NSD1: variants seen among roughly 807,000 people sequenced by gnomAD.
NSD1 encodes the protein histone-lysine N-methyltransferase, H3 lysine-36 specific.
Under a neutral mutation model 242.7 loss-of-function variants are expected in NSD1, and 26 were observed. That is an observed-to-expected ratio of 0.11 (90% CI 0.08 to 0.15). NSD1 has a LOEUF of 0.15. Among genes scored for constraint, NSD1 ranks in the 10% least tolerant of loss-of-function variants. The probability of loss-of-function intolerance (pLI) is 1.00; values close to 1 mark genes in which losing one functional copy is unlikely to be tolerated. For missense variants in NSD1, 2,495 were observed against 3,272.8 expected (o/e 0.76, Z 5.80); for synonymous variants, 1,106 against 1,178.1 (o/e 0.94, Z 1.25).
intron 20 of NSD1, 174 bp from the exon 21 acceptor site, chr5:177,288,645 T>C: frequency 1.7e-6 from 1 of 575,484 alleles, no homozygotes; most frequent in Non-Finnish European, 3.1e-6. Context: ...CTCTGTTAAA[T>C]TGTATTACCT....
chr5:177,135,013 A>C (rs906176309), intron 1 of NSD1, 74 bp from the exon 2 acceptor site: 4 of 1,319,018 alleles, frequency 3.0e-6, no homozygotes, highest in Non-Finnish European at 3.3e-6. Flanking sequence ...TAGGCCTTGA[A>C]GTGGCTGCCA....
Position 177,295,692 on chromosome 5 carries a change from C to T in NSD1, c.*233C>T, listed in dbSNP as rs1009014865. ...AGTGGGCCCCAACCAAGGAGACAGA[C>T]AGACTTGGGTCTCTTTCCCCCAACT... On this transcript the variant is annotated 3_prime_UTR_variant, in exon 23 of 23. Coordinates refer to ENST00000439151, the MANE Select transcript of NSD1 (RefSeq NM_022455.5). The surrounding 1 kb of genome is among the most constrained non-coding windows in gnomAD (Gnocchi z 4.3). 2 of 591,932 alleles carry T rather than the reference C, an allele frequency of 3.4e-6. No individual in the cohort carries two copies. The highest frequency in any genetic ancestry group is 5.8e-5 in the East Asian group (2 of 34,700). 36.7% of individuals were successfully genotyped at this position (591,932 alleles called of 1,614,324 possible).
At chr5:177,145,344 T>C (rs1252550979) in intron 2 of NSD1, among the ~76,000 whole-genome samples, 1 of 150,966 alleles carries the variant, frequency 6.6e-6, no homozygotes, top group Non-Finnish European at 1.5e-5. Context: ...AGTAGTATGA[T>C]CACAACTCAC....
In NSD1 at chr5:177,194,340, G is replaced by A. The variant is rs1412383605; in HGVS notation, c.1063+2321G>A. 2.6e-5 allele frequency among the ~76,000 whole-genome samples: 4 copies of A among 151,588 alleles called. No individual in the cohort carries two copies. The East Asian group carries it at 7.7e-4, about 29-fold the overall frequency. ...AATGGCATAACAACGCCTCACTGAA[G>A]CCTTGATCTCCAGGGCTCAAACAGT... On this transcript the variant is annotated intron_variant, in intron 3 of 22. Coordinates refer to ENST00000439151, the MANE Select transcript of NSD1 (RefSeq NM_022455.5).
At chr5:177,289,361 G>A (rs776852719) in intron 21 of NSD1, among the ~76,000 whole-genome samples, 2 of 152,062 alleles carry the variant, frequency 1.3e-5, no homozygotes, top group Non-Finnish European at 2.9e-5. Context: ...AATAGGTGTT[G>A]ATAGGGCCAC....
intron 20 of NSD1, among the ~76,000 whole-genome samples, chr5:177,284,575 C>T (rs1759152833): frequency 6.6e-6 from 1 of 152,210 alleles, no homozygotes; most frequent in Non-Finnish European, 1.5e-5. Context: ...GCATGAGCCA[C>T]CTCGCTTAGC....
chr5:177,226,434 T>G (rs773779813), intron 5 of NSD1, among the ~76,000 whole-genome samples: 27 of 152,330 alleles, frequency 1.8e-4, no homozygotes, highest in Middle Eastern at 3.4e-3. Flanking sequence ...TTAAAAATCT[T>G]AAGTCATTTG....
chr5:177,167,799 A>G (rs886199403), intron 2 of NSD1, among the ~76,000 whole-genome samples: 17 of 152,284 alleles, frequency 1.1e-4, no homozygotes, highest in African/African-American at 3.6e-4. Context: ...GCAGTTAACA[A>G]TGGTTCAACT....
At chr5:177,221,859 G>A (rs1301048251) in intron 5 of NSD1, among the ~76,000 whole-genome samples, 1 of 152,006 alleles carries the variant, frequency 6.6e-6, no homozygotes, top group African/African-American at 2.4e-5. Context: ...GCCCAGGCTG[G>A]AGTGCAGTGG....
intron 2 of NSD1, among the ~76,000 whole-genome samples, chr5:177,172,148 C>T (rs946247144): frequency 1.3e-5 from 2 of 152,172 alleles, no homozygotes; most frequent in African/African-American, 4.8e-5. Flanking sequence ...CCTTGAAGTT[C>T]ATGACGACTC....
Position 177,252,796 on chromosome 5 carries a change from C to CTTT in NSD1, c.4765+943_4765+944insTTT, listed in dbSNP as rs149731842. 5.0e-4 allele frequency among the ~76,000 whole-genome samples: 66 copies of CTTT among 132,520 alleles called. 1 individual carries two copies. Among genetic ancestry groups the CTTT allele is most frequent in the African/African-American group, 1.2e-3 (41 of 35,360 alleles). The allele number at this position is 132,520 out of a possible 152,430, so 86.9% of individuals were successfully genotyped here. A position where few individuals can be genotyped will look rare whatever the true frequency, so the allele number is the denominator to read the frequency against. Reference sequence around the variant, plus strand: ...AAAGTGTTCTCTCGCTCTCTCTCTCCCTTTTTTTTTTTTTTTTCTTAGCAT... The same window carrying CTTT: ...AAAGTGTTCTCTCGCTCTCTCTCTCCTTTCTTTTTTTTTTTTTTTTCTTAGCAT... On this transcript the variant is annotated intron_variant, in intron 12 of 22. Transcript: ENST00000439151.
intron 4 of NSD1, among the ~76,000 whole-genome samples, chr5:177,205,501 CT>C (rs1210769744): frequency 5.3e-5 from 8 of 151,198 alleles, no homozygotes; most frequent in African/African-American, 1.7e-4. Context: ...TTTTAATACT[CT>C]TTTTTCCTCC....
Position 177,269,887 on chromosome 5 carries a change from T to C in NSD1, c.5509+80T>C. ...TCTGATCTGTTTTAGAATTCACATA[T>C]GCTCCATTTTGAAACTGCCTTTGTC... On this transcript the variant is annotated intron_variant, in intron 16 of 22. Transcript: ENST00000439151. The surrounding 1 kb of genome is among the most constrained non-coding windows in gnomAD (Gnocchi z 5.1). 8.0e-7 allele frequency: 1 copy of C among 1,248,838 alleles called. No individual in the cohort carries two copies. The highest frequency in any genetic ancestry group is 1.1e-6 in the Non-Finnish European group (1 of 889,000). 77.4% of individuals were successfully genotyped at this position (1,248,838 alleles called of 1,614,324 possible).
intron 2 of NSD1, chr5:177,136,312 A>T: frequency 3.0e-6 from 1 of 337,270 alleles, no homozygotes. Context: ...CTCAAGTTGG[A>T]GGTATACATA....
At position 177,251,827 on chromosome 5, in the gene NSD1, A is replaced by G; in HGVS notation, c.4739A>G (p.Lys1580Arg). The G allele has an allele frequency of 6.2e-7, 1 of 1,614,238 alleles. No homozygotes were observed. Among genetic ancestry groups the G allele is most frequent in the Non-Finnish European group, 8.5e-7 (1 of 1,180,040 alleles). The change falls in exon 12 of 23, where the codon AAA becomes AGA. Residue 1580 changes from lysine to arginine, a missense_variant. Lys to Arg is a conservative substitution (Grantham distance 26). Coordinates refer to ENST00000439151, the MANE Select transcript of NSD1 (RefSeq NM_022455.5). Reference sequence around the variant, plus strand: ...GGATTGACTGAGATGCCAAGAGGAAAATTTATCTGCAATGAATGTCGCACA... The same window carrying G: ...GGATTGACTGAGATGCCAAGAGGAAGATTTATCTGCAATGAATGTCGCACA... ...CLGLTEMPRG[K>R]FICNECRTGI...
At chr5:177,257,228 C>CA in intron 13 of NSD1, 77 bp downstream of exon 13, 7 of 738,902 alleles carry the variant, frequency 9.5e-6, no homozygotes, top group South Asian at 1.9e-5. Context: ...TTTTTTCTTT[C>CA]TTTTTTTTTT....
Position 177,204,101 on chromosome 5 carries a change from T to C in NSD1, c.1064-19T>C, listed in dbSNP as rs1360517235. Reference sequence around the variant, plus strand: ...AATTTCTTTGATCTAATGATTCTGGTTCTCTTACCCTTACCTAGTTTCCAA... The same window carrying C: ...AATTTCTTTGATCTAATGATTCTGGCTCTCTTACCCTTACCTAGTTTCCAA... On this transcript the variant is annotated intron_variant, in intron 3 of 22. Coordinates refer to ENST00000439151, the MANE Select transcript of NSD1 (RefSeq NM_022455.5). 1.2e-6 allele frequency: 2 copies of C among 1,612,300 alleles called. No homozygotes were observed. The highest frequency in any genetic ancestry group is 8.5e-7 in the Non-Finnish European group (1 of 1,178,436).
At chr5:177,263,946 G>C in intron 14 of NSD1, among the ~76,000 whole-genome samples, 1 of 151,128 alleles carries the variant, frequency 6.6e-6, no homozygotes, top group Non-Finnish European at 1.5e-5. Flanking sequence ...TTACTGATTG[G>C]ATCATGGTAG....
At chr5:177,280,024 C>G (rs2092393778) in intron 17 of NSD1, among the ~76,000 whole-genome samples, 1 of 133,174 alleles carries the variant, frequency 7.5e-6, no homozygotes, top group African/African-American at 3.5e-5. Context: ...TTTTTTGTGA[C>G]CGAGAGACCG....
Sources: gnomAD v4.1 joint callset for allele counts (sites outside exome capture counted in the v4.1 genomes callset) on GRCh38, gnomAD v4.1.1 for gene constraint, Gnocchi (gnomAD v3.1) non-coding constraint, MANE v1.5 for transcripts, NCBI Gene and HGNC (gene_info 2026-07-23, HGNC 2026-07-21) for gene names.